Variants in PACS1 observed in about 807,000 individuals in gnomAD.
PACS1 encodes the protein PACS-1.
A neutral mutation model predicts 115.0 loss-of-function variants in PACS1; 24 were observed. The ratio of observed to expected loss-of-function variants is 0.21; its 90% confidence interval spans 0.15 to 0.29. PACS1 has a LOEUF of 0.29. Ranked by LOEUF, PACS1 falls within the 10% of genes least tolerant of loss-of-function variation. The probability of loss-of-function intolerance (pLI) is 1.00; values close to 1 mark genes in which losing one functional copy is unlikely to be tolerated. For synonymous variants in PACS1, 453 were observed against 504.5 expected (o/e 0.90, Z 1.37); for missense variants, 838 against 1,251.2 (o/e 0.67, Z 4.98).
At chr11:66,183,776 C>G (rs924531268) in intron 1 of PACS1, among the ~76,000 whole-genome samples, 3 of 152,214 alleles carry the variant, frequency 2.0e-5, no homozygotes, top group Non-Finnish European at 4.4e-5. Context: ...GAGCAGCACT[C>G]AGTGGCAGTT....
chr11:66,112,466 G>A (rs770204857), intron 1 of PACS1, among the ~76,000 whole-genome samples: 24 of 152,182 alleles, frequency 1.6e-4, no homozygotes, highest in Non-Finnish European at 1.0e-4. Flanking sequence ...CCCTCGCTGC[G>A]CAGTTAGTCA....
chr11:66,160,970 G>A (rs913897021), intron 1 of PACS1, among the ~76,000 whole-genome samples: 14 of 152,094 alleles, frequency 9.2e-5, no homozygotes, highest in Non-Finnish European at 7.4e-5. Context: ...TTCAGGTCCC[G>A]CTGTTTACTA....
chr11:66,216,364 A>G, intron 5 of PACS1, 101 bp downstream of exon 5: 1 of 1,491,280 alleles, frequency 6.7e-7, no homozygotes. Flanking sequence ...AGAGACCTTT[A>G]GAGACCCCTG....
At position 66,241,669 on chromosome 11, in the gene PACS1, G is replaced by T. The variant is rs749786782; in HGVS notation, c.2656+16G>T. On this transcript the variant is annotated intron_variant, in intron 22 of 23. Transcript: ENST00000320580. ...AACAAGAAAGGTAAGTACCCCCAAG[G>T]CCGGGGAAGACCATGGGCCACCAGG... 1 of 1,597,588 alleles carries T rather than the reference G, an allele frequency of 6.3e-7. No homozygotes were observed. The highest frequency in any genetic ancestry group is 1.3e-5 in the African/African-American group (1 of 74,596).
rs527468559 is a variant in PACS1 at position 66,232,584 on chromosome 11, G to A, written c.1731+308G>A. Among the ~76,000 whole-genome samples, 40 of 152,302 alleles carry A rather than the reference G, an allele frequency of 2.6e-4. No homozygotes were observed. In the South Asian group the frequency reaches 6.2e-3, roughly 24 times the overall value. ...CATGCGTCAGGCAGCATAGTGGAAC[G>A]GAGGCCTGTAGAGAAGCACCCGGCT... On this transcript the variant is annotated intron_variant, in intron 14 of 23. Coordinates refer to ENST00000320580, the MANE Select transcript of PACS1 (RefSeq NM_018026.4).
At chr11:66,196,088 G>A (rs549228) in intron 2 of PACS1, among the ~76,000 whole-genome samples, 2,120 of 152,224 alleles carry the variant, frequency 0.014, 41 homozygotes, top group African/African-American at 0.048. Context: ...AAAGGGCTGG[G>A]CACAGTGGCA....
rs556121033 is a variant in PACS1 at position 66,103,513 on chromosome 11, A to AT, written c.356+32698dup. ...TTTTCTTTTCAGTTTTTTGTTTGGA[A>AT]TTTTTTTTTTTTTTTTTTTTTTTTT... is the stretch of plus-strand genomic sequence containing the variant. On this transcript the variant is annotated intron_variant, in intron 1 of 23. Coordinates refer to ENST00000320580, the MANE Select transcript of PACS1 (RefSeq NM_018026.4). Among the ~76,000 whole-genome samples the AT allele has an allele frequency of 1.5e-3, 160 of 109,138 alleles. 3 individuals carry two copies. Among genetic ancestry groups the AT allele is most frequent in the African/African-American group, 6.0e-3 (157 of 26,380 alleles). The allele number at this position is 109,138 out of a possible 152,430, so 71.6% of individuals were successfully genotyped here.
At chr11:66,112,061 T>C (rs1858201599) in intron 1 of PACS1, among the ~76,000 whole-genome samples, 1 of 152,224 alleles carries the variant, frequency 6.6e-6, no homozygotes, top group Admixed American at 6.5e-5. Context: ...CCACCCTGTC[T>C]CACCTGCATC....
At chr11:66,155,042 C>T (rs1405848590) in intron 1 of PACS1, among the ~76,000 whole-genome samples, 1 of 152,190 alleles carries the variant, frequency 6.6e-6, no homozygotes, top group African/African-American at 2.4e-5. Flanking sequence ...GGGAAAGGAA[C>T]ATCTTTTCAA....
chr11:66,138,487 G>A (rs1355303558), intron 1 of PACS1, among the ~76,000 whole-genome samples: 1 of 152,082 alleles, frequency 6.6e-6, no homozygotes, highest in East Asian at 1.9e-4. Context: ...CATGCCCCAC[G>A]AAGTGTGTGA....
intron 1 of PACS1, among the ~76,000 whole-genome samples, chr11:66,175,651 G>A (rs769923390): frequency 5.9e-5 from 9 of 152,218 alleles, no homozygotes; most frequent in Non-Finnish European, 1.2e-4. Flanking sequence ...GGGACATGGA[G>A]TGTGCTTATC....
At chr11:66,215,419 A>T (rs1255154731) in intron 4 of PACS1, among the ~76,000 whole-genome samples, 1 of 151,846 alleles carries the variant, frequency 6.6e-6, no homozygotes, top group African/African-American at 2.4e-5. Context: ...ACTGGGCAAC[A>T]TAGTGAGACC....
chr11:66,154,466 G>A (rs909862383), intron 1 of PACS1, among the ~76,000 whole-genome samples: 13 of 152,144 alleles, frequency 8.5e-5, no homozygotes, highest in Admixed American at 7.9e-4. Flanking sequence ...GAGGCTACTA[G>A]GACTGGTAAG....
At chr11:66,206,967 C>T (rs927206084) in intron 2 of PACS1, among the ~76,000 whole-genome samples, 7 of 152,256 alleles carry the variant, frequency 4.6e-5, no homozygotes, top group Middle Eastern at 3.4e-3. Flanking sequence ...CAAAAGTAGA[C>T]GAAGTAGTTT....
At chr11:66,164,292 A>G (rs2134630133) in intron 1 of PACS1, among the ~76,000 whole-genome samples, 1 of 152,238 alleles carries the variant, frequency 6.6e-6, no homozygotes, top group South Asian at 2.1e-4. Context: ...CAGAGGAGAT[A>G]CAGATCAACT....
Position 66,171,150 on chromosome 11 carries a change from T to C in PACS1, c.357-22336T>C, listed in dbSNP as rs1038877064. ...GATAAGTAAGCTTGTCACTGTCTTA[T>C]ACTTTTGTCAGTTTTTGTGGTATTT... On this transcript the variant is annotated intron_variant, in intron 1 of 23. Coordinates refer to ENST00000320580, the MANE Select transcript of PACS1 (RefSeq NM_018026.4). Among the ~76,000 whole-genome samples the C allele has an allele frequency of 6.6e-5, 10 of 150,440 alleles. No homozygotes were observed. In the East Asian group the frequency reaches 1.7e-3, roughly 26 times the overall value.
rs2134742631 is a variant in PACS1 at position 66,235,060 on chromosome 11, A to G, written c.2105-241A>G. 6.6e-6 allele frequency among the ~76,000 whole-genome samples: 1 copy of G among 152,236 alleles called. No homozygotes were observed. The highest frequency in any genetic ancestry group is 1.5e-5 in the Non-Finnish European group (1 of 68,022). On this transcript the variant is annotated intron_variant, in intron 17 of 23. Coordinates refer to ENST00000320580, the MANE Select transcript of PACS1 (RefSeq NM_018026.4). This position sits in a 1 kb window ranked among gnomAD's most constrained non-coding sequence, Gnocchi z 5.6. ...CAAGGACAGGCAGGAGCAAGTGGAC[A>G]TGAGAAGAAGGGTGTGCGTGGCCCA...
At position 66,191,947 on chromosome 11, in the gene PACS1, C is replaced by T. The variant is rs1248771211; in HGVS notation, c.357-1539C>T. ...CTGAGGCAGCAGAATTGCTGGAACA[C>T]GGGAGGTGGAGGCTGCAGTGAGCCA... On this transcript the variant is annotated intron_variant, in intron 1 of 23. Coordinates refer to ENST00000320580, the MANE Select transcript of PACS1 (RefSeq NM_018026.4). Among the ~76,000 whole-genome samples, 5 of 151,978 alleles carry T rather than the reference C, an allele frequency of 3.3e-5. No homozygotes were observed. The South Asian group carries it at 6.2e-4, about 19-fold the overall frequency.
In PACS1 at chr11:66,178,633, AAAATT is replaced by A. The variant is rs1214141288; in HGVS notation, c.357-14849_357-14845del. On this transcript the variant is annotated intron_variant, in intron 1 of 23. Transcript: ENST00000320580. ...ATTTAGAATAACAATTTAAAATAAT[AAAATT>A]AAAATAAAAATGGATGTTTTTATGA... 8.5e-5 allele frequency among the ~76,000 whole-genome samples: 13 copies of A among 152,236 alleles called. 1 individual carries two copies. Among genetic ancestry groups the A allele is most frequent in the Admixed American group, 7.8e-4 (12 of 15,290 alleles).
Sources: allele counts gnomAD v4.1 joint callset (sites outside exome capture counted in the v4.1 genomes callset), GRCh38; gene constraint gnomAD v4.1.1; non-coding constraint Gnocchi (gnomAD v3.1); transcripts MANE v1.5; gene names NCBI Gene and HGNC (gene_info 2026-07-23, HGNC 2026-07-21).